The following ZNF777 variants were observed in gnomAD, a reference collection of about 807,000 sequenced individuals.
ZNF777 encodes the protein zinc finger protein 777.
ZNF777 carries 7 observed loss-of-function variants against 72.1 expected under a neutral mutation model. That is an observed-to-expected ratio of 0.10 (90% CI 0.06 to 0.18). ZNF777 has a LOEUF of 0.18. Ranked by LOEUF, ZNF777 falls within the 10% of genes least tolerant of loss-of-function variation. The pLI is 1.00. For missense variants in ZNF777, 828 were observed against 1,128.6 expected, an observed-to-expected ratio of 0.73 and a Z score of 3.82; for synonymous variants, 545 against 483.5, an observed-to-expected ratio of 1.13 and a Z score of -1.67.
Position 149,432,718 on chromosome 7 carries a change from G to C in ZNF777, c.1554C>G (p.Pro518=). Residue 518 remains proline (P), a synonymous_variant, in exon 6 of 6, where the codon CCC becomes CCG. Transcript: ENST00000247930. ...LGNPAVKRLA[P]SVHGERHLSE... ...TCAGGTGCCGCTCACCGTGCACGGA[G>C]GGCGCCAGCCTTTTCACTGCGGGGT... The C allele has an allele frequency of 6.2e-7, 1 of 1,612,374 alleles. No homozygotes were observed. The highest frequency in any genetic ancestry group is 8.5e-7 in the Non-Finnish European group (1 of 1,179,136).
Position 149,432,785 on chromosome 7 carries a change from G to A in ZNF777, c.1487C>T (p.Ser496Phe), listed in dbSNP as rs776743856. The part of the protein sequence containing the change: ...MYQTPLPGEM[S>F]PEGEESPPPL... ...CGGGGGGCTCTCCTCGCCCTCGGGG[G>A]ACATCTCCCCGGGCAGCGGGGTCTG... The change falls in exon 6 of 6, where the codon TCC (serine) becomes TTC (phenylalanine). Residue 496 changes from serine to phenylalanine, a missense_variant. Ser to Phe is a radical substitution (Grantham distance 155). Transcript: ENST00000247930. 1 of 1,608,980 alleles carries A rather than the reference G, an allele frequency of 6.2e-7. No individual in the cohort carries two copies.
At chr7:149,452,556 C>T (rs1200697476) in intron 3 of ZNF777, among the ~76,000 whole-genome samples, 2 of 149,706 alleles carry the variant, frequency 1.3e-5, no homozygotes, top group African/African-American at 4.9e-5. Flanking sequence ...TGGCATGAAC[C>T]TGGGAGGCGG....
intron 4 of ZNF777, among the ~76,000 whole-genome samples, chr7:149,438,139 A>G (rs938769781): frequency 1.3e-5 from 2 of 151,926 alleles, no homozygotes; most frequent in South Asian, 4.2e-4. Context: ...TCAGCCTCCC[A>G]AAGTGCTGGG....
chr7:149,455,737 G>T lies in ZNF777; in HGVS notation c.286C>A (p.Pro96Thr). ...TGGGTCCCTTCCTGGGAAGCCAGGG[G>T]GCCCTGGAGAGAAGTCTCTTGCTCA... ...ASEQETSLQG[P>T]LASQEGTQYP... Residue 96 changes from proline to threonine, a missense_variant, in exon 2 of 6, where the codon CCC (proline) becomes ACC (threonine). Transcript: ENST00000247930. The surrounding 1 kb of genome is among the most constrained non-coding windows in gnomAD (Gnocchi z 4.2). 1 of 1,583,456 alleles carries T rather than the reference G, an allele frequency of 6.3e-7. No individual in the cohort carries two copies. Among genetic ancestry groups the T allele is most frequent in the Non-Finnish European group, 8.6e-7 (1 of 1,164,182 alleles).
chr7:149,458,104 G>A lies in ZNF777; in HGVS notation c.-15-2067C>T, dbSNP rs374765758. The stretch of plus-strand genomic sequence containing the variant: ...TGGGAGAGGTGGGGAGGAAGGCCTT[G>A]CCTTTAGAGATATTATCATTTAAGT... On this transcript the variant is annotated intron_variant, in intron 1 of 5. Coordinates refer to ENST00000247930, the MANE Select transcript of ZNF777 (RefSeq NM_015694.3). Among the ~76,000 whole-genome samples, 8 of 152,348 alleles carry A rather than the reference G, an allele frequency of 5.3e-5. No individual in the cohort carries two copies. In the East Asian group the frequency reaches 5.8e-4, roughly 11 times the overall value.
In ZNF777 at chr7:149,438,163, A is replaced by T. The variant is rs190937049; in HGVS notation, c.1088-1337T>A. On this transcript the variant is annotated intron_variant, in intron 4 of 5. Coordinates refer to ENST00000247930, the MANE Select transcript of ZNF777 (RefSeq NM_015694.3). ...CAAAGTGCTGGGATTACAGGCGTGA[A>T]TTTTTTGTATTTTTAGTAGCGATGG... Among the ~76,000 whole-genome samples, 352 of 151,424 alleles carry T rather than the reference A, an allele frequency of 2.3e-3. 3 individuals carry two copies. The highest frequency in any genetic ancestry group is 8.2e-3 in the African/African-American group (339 of 41,178).
At chr7:149,454,338 C>G in intron 2 of ZNF777, 101 bp from the exon 3 acceptor site, 1 of 1,495,014 alleles carries the variant, frequency 6.7e-7, no homozygotes, top group African/African-American at 1.4e-5. Context: ...GGGCCTTCAC[C>G]TAGGACTTTT....
At position 149,444,062 on chromosome 7, in the gene ZNF777, T is replaced by C. The variant is rs112702442; in HGVS notation, c.1087+6937A>G. ...AGTTTTCAATTTTAAGCATCATCCATTGACTTCCAAGGGATGACGGTCAGA... is the reference window on the plus strand; with the variant it reads ...AGTTTTCAATTTTAAGCATCATCCACTGACTTCCAAGGGATGACGGTCAGA... On this transcript the variant is annotated intron_variant, in intron 4 of 5. Coordinates refer to ENST00000247930, the MANE Select transcript of ZNF777 (RefSeq NM_015694.3). Among the ~76,000 whole-genome samples the C allele has an allele frequency of 5.3e-5, 8 of 152,298 alleles. 1 individual carries two copies. Among genetic ancestry groups the C allele is most frequent in the African/African-American group, 1.4e-4 (6 of 41,562 alleles).
chr7:149,454,267 C>A (rs1187801766), intron 2 of ZNF777, 30 bp from the exon 3 acceptor site: 3 of 1,613,052 alleles, frequency 1.9e-6, no homozygotes, highest in East Asian at 4.5e-5. Flanking sequence ...CGGCTCAGAC[C>A]CGCTGGAAGG....
chr7:149,433,457 TTGCCCCTCTGAGGACATCTC>T (rs1446593026), intron 5 of ZNF777, among the ~76,000 whole-genome samples: 1 of 152,192 alleles, frequency 6.6e-6, no homozygotes, highest in Non-Finnish European at 1.5e-5. Flanking sequence ...TTCTCAGTCT[TTGCCCCTCTGAGGACATCTC>T]TGCCTGAACT....
intron 3 of ZNF777, 39 bp from the exon 4 acceptor site, chr7:149,451,151 A>G (rs1563238816): frequency 6.4e-7 from 1 of 1,558,088 alleles, no homozygotes; most frequent in Non-Finnish European, 8.8e-7. Flanking sequence ...CTCTGGGATG[A>G]GGTTGCACTG....
chr7:149,435,295 C>A (rs1799391400), intron 5 of ZNF777, among the ~76,000 whole-genome samples: 1 of 152,132 alleles, frequency 6.6e-6, no homozygotes, highest in South Asian at 2.1e-4. Flanking sequence ...CTCAGCCTCC[C>A]AAGGAGCTGA....
intron 4 of ZNF777, among the ~76,000 whole-genome samples, chr7:149,444,482 T>C (rs6979883): frequency 0.45 from 67,959 of 152,060 alleles, 15,298 homozygotes; most frequent in African/African-American, 0.48. Flanking sequence ...CTGGGCCGTG[T>C]GCCTGGAGTG....
At chr7:149,432,964 G>A in intron 5 of ZNF777, 32 bp from the exon 6 acceptor site, 4 of 1,451,414 alleles carry the variant, frequency 2.8e-6, no homozygotes, top group Non-Finnish European at 3.6e-6. Context: ...AAAGTCGTTA[G>A]CTGCTGCCTG....
intron 1 of ZNF777, among the ~76,000 whole-genome samples, chr7:149,456,836 GTGCCCGGCCCC>G (rs1799842620): frequency 6.6e-6 from 1 of 152,188 alleles, no homozygotes; most frequent in Non-Finnish European, 1.5e-5. Flanking sequence ...CATCTTCTAT[GTGCCCGGCCCC>G]TGCTGTAGAG....
In ZNF777 at chr7:149,455,068, G is replaced by C; in HGVS notation, c.846+109C>G. The stretch of plus-strand genomic sequence containing the variant: ...GCATGTCCTAGCAACTGGGATCACT[G>C]TATTTTTTCCTTTATCAACCACCCC... On this transcript the variant is annotated intron_variant, in intron 2 of 5. Transcript: ENST00000247930. The surrounding 1 kb of genome is among the most constrained non-coding windows in gnomAD (Gnocchi z 4.2). 7.3e-7 allele frequency: 1 copy of C among 1,361,422 alleles called. No homozygotes were observed. The highest frequency in any genetic ancestry group is 1.0e-6 in the Non-Finnish European group (1 of 999,250). The allele number at this position is 1,361,422 out of a possible 1,614,324, so 84.3% of individuals were successfully genotyped here.
rs1339796961 is a variant in ZNF777, at chr7:149,460,549, G to T, written c.-16+266C>A. Reference sequence around the variant, plus strand: ...GCGCTGCCGTCCCGGCGCCTCTTTAGCAGGGGAGCTGCACAGCAGCTGCCA... The same window carrying T: ...GCGCTGCCGTCCCGGCGCCTCTTTATCAGGGGAGCTGCACAGCAGCTGCCA... On this transcript the variant is annotated intron_variant, in intron 1 of 5. Coordinates refer to ENST00000247930, the MANE Select transcript of ZNF777 (RefSeq NM_015694.3). This position sits in a 1 kb window ranked among gnomAD's most constrained non-coding sequence, Gnocchi z 6.1. 6.6e-6 allele frequency among the ~76,000 whole-genome samples: 1 copy of T among 151,736 alleles called. No homozygotes were observed. The highest frequency in any genetic ancestry group is 1.9e-4 in the East Asian group (1 of 5,180).
chr7:149,435,728 A>AT (rs1418449188), intron 5 of ZNF777, among the ~76,000 whole-genome samples: 1 of 152,198 alleles, frequency 6.6e-6, no homozygotes, highest in African/African-American at 2.4e-5. Flanking sequence ...GGTTCTACCA[A>AT]TTTTTCAAGG....
At chr7:149,433,065 A>C (rs1799350743) in intron 5 of ZNF777, 133 bp from the exon 6 acceptor site, 1 of 1,360,698 alleles carries the variant, frequency 7.3e-7, no homozygotes, top group Non-Finnish European at 9.6e-7. Flanking sequence ...TTTTGGGAAA[A>C]GTCCCCTCAT....
Sources: allele counts gnomAD v4.1 joint callset (sites outside exome capture counted in the v4.1 genomes callset), GRCh38; gene constraint gnomAD v4.1.1; non-coding constraint Gnocchi (gnomAD v3.1); transcripts MANE v1.5; gene names NCBI Gene and HGNC (gene_info 2026-07-23, HGNC 2026-07-21).